Variants in FBN2 observed in about 807,000 individuals in gnomAD.
The protein encoded by FBN2 is fibrillin 2.
A neutral mutation model predicts 355.6 loss-of-function variants in FBN2; 105 were observed. The observed-to-expected ratio is 0.30, with a 90% CI of 0.25 to 0.35. FBN2 has a LOEUF of 0.35. FBN2 is among the 10% of genes least tolerant of loss of function. The probability of loss-of-function intolerance (pLI) is 1.00; values close to 1 mark genes in which losing one functional copy is unlikely to be tolerated. For missense variants in FBN2, 3,280 were observed against 3,758.7 expected (o/e 0.87, Z 3.33); for synonymous variants, 1,350 against 1,301.2 (o/e 1.04, Z -0.81).
chr5:128,274,411 A>G (rs1055018956), intron 60 of FBN2, among the ~76,000 whole-genome samples, 156 bp downstream of exon 60: 8 of 152,178 alleles, frequency 5.3e-5, no homozygotes, highest in Non-Finnish European at 1.2e-4. Flanking sequence ...GTTCTTGAAA[A>G]TATCTATCTT....
chr5:128,346,723 G>C (rs1751191658), intron 23 of FBN2, among the ~76,000 whole-genome samples: 1 of 152,104 alleles, frequency 6.6e-6, no homozygotes, highest in South Asian at 2.1e-4. Flanking sequence ...TGGATCACCT[G>C]AGGTCAGGAG....
intron 35 of FBN2, among the ~76,000 whole-genome samples, chr5:128,318,608 C>A (rs545967705): frequency 1.3e-5 from 2 of 151,478 alleles, no homozygotes; most frequent in African/African-American, 4.9e-5. Flanking sequence ...ACTATATATA[C>A]ATATACATGA....
intron 3 of FBN2, among the ~76,000 whole-genome samples, chr5:128,530,256 C>T (rs1170274076): frequency 2.6e-5 from 4 of 152,156 alleles, no homozygotes; most frequent in Non-Finnish European, 5.9e-5. Flanking sequence ...ACTCAATAAA[C>T]ACATGCTGCC....
intron 34 of FBN2, among the ~76,000 whole-genome samples, chr5:128,320,641 AAAT>A (rs1405211577): frequency 5.3e-5 from 8 of 152,240 alleles, no homozygotes; most frequent in African/African-American, 1.4e-4. Flanking sequence ...TCAAAAATTC[AAAT>A]AATACAGAAA....
At chr5:128,263,175 A>C (rs1385199862) in intron 63 of FBN2, among the ~76,000 whole-genome samples, 1 of 152,232 alleles carries the variant, frequency 6.6e-6, no homozygotes, top group Non-Finnish European at 1.5e-5. Context: ...CAGGCCCTTA[A>C]TAAGAGGAGC....
At chr5:128,330,550 C>G (rs753950355) in intron 33 of FBN2, 23 bp downstream of exon 33, 1 of 1,613,400 alleles carries the variant, frequency 6.2e-7, no homozygotes, top group African/African-American at 1.3e-5. Flanking sequence ...CCCGTCAGAG[C>G]ACACCTCAGG....
At chr5:128,383,107 A>G (rs911155570) in intron 11 of FBN2, among the ~76,000 whole-genome samples, 1 of 152,150 alleles carries the variant, frequency 6.6e-6, no homozygotes, top group African/African-American at 2.4e-5. Context: ...GAGGGTTTTC[A>G]GACCACGATG....
intron 15 of FBN2, among the ~76,000 whole-genome samples, chr5:128,372,038 C>T (rs1698876827): frequency 6.6e-6 from 1 of 152,080 alleles, no homozygotes. Flanking sequence ...AATTTAATAA[C>T]AATAATATCA....
At chr5:128,490,284 G>C (rs1755465429) in intron 5 of FBN2, among the ~76,000 whole-genome samples, 1 of 152,166 alleles carries the variant, frequency 6.6e-6, no homozygotes, top group South Asian at 2.1e-4. Flanking sequence ...TGTTTTAACA[G>C]ATGTTAGCCA....
intron 5 of FBN2, among the ~76,000 whole-genome samples, chr5:128,469,594 T>C (rs1275465426): frequency 6.6e-6 from 1 of 151,940 alleles, no homozygotes; most frequent in East Asian, 1.9e-4. Context: ...AGCTTATATT[T>C]GTATTCTAAA....
rs770778839 is a variant in FBN2 at position 128,290,880 on chromosome 5, A to G, written c.6297T>C (p.Thr2099=). 21 of 1,613,808 alleles carry G rather than the reference A, an allele frequency of 1.3e-5. No homozygotes were observed. The highest frequency in any genetic ancestry group is 1.2e-4 in the Admixed American group (7 of 59,992). Residue 2099 remains threonine, a synonymous_variant, in exon 50 of 65, where the codon ACT becomes ACC. Transcript: ENST00000262464. ...LSDNGRRCFD[T]RQSFCFTNFE... ...AATTTGTGAAGCAGAAGCTCTGGCG[A>G]GTATCTAATCAAAAAAGCAAACATT...
At chr5:128,364,465 G>T (rs1751716608) in intron 18 of FBN2, 135 bp downstream of exon 18, 2 of 892,908 alleles carry the variant, frequency 2.2e-6, no homozygotes, top group Non-Finnish European at 3.4e-6. Flanking sequence ...ATATTTTCCT[G>T]TCAATGTGTA....
At position 128,332,973 on chromosome 5, in the gene FBN2, G is replaced by A. The variant is rs868802211; in HGVS notation, c.4161C>T (p.Ile1387=). 3 of 1,613,120 alleles carry A rather than the reference G, an allele frequency of 1.9e-6. No individual in the cohort carries two copies. Among genetic ancestry groups the A allele is most frequent in the Non-Finnish European group, 2.5e-6 (3 of 1,179,308 alleles). Residue 1387 remains isoleucine, a synonymous_variant, in exon 32 of 65, where the codon ATC becomes ATT. Coordinates refer to ENST00000262464, the MANE Select transcript of FBN2 (RefSeq NM_001999.4). The stretch of plus-strand genomic sequence containing the variant: ...TGCAGCTACACTTGAAGCTTCCTGG[G>A]ATATTCAGACATGAGGCATGCATGT... ...NCDMHASCLN[I]PGSFKCSCRE... is the part of the protein sequence containing the mutation.
At chr5:128,491,571 A>C (rs1490463832) in intron 5 of FBN2, among the ~76,000 whole-genome samples, 1 of 152,226 alleles carries the variant, frequency 6.6e-6, no homozygotes, top group Non-Finnish European at 1.5e-5. Context: ...TACGGCTTTG[A>C]CACAATGCTG....
At chr5:128,509,345 C>T (rs1380213437) in intron 5 of FBN2, among the ~76,000 whole-genome samples, 4 of 152,060 alleles carry the variant, frequency 2.6e-5, no homozygotes, top group Non-Finnish European at 1.5e-5. Context: ...CTCGTCTTTT[C>T]GCCTATAATG....
At chr5:128,271,968 A>C in intron 62 of FBN2, 31 bp downstream of exon 62, 1 of 1,613,110 alleles carries the variant, frequency 6.2e-7, no homozygotes, top group East Asian at 2.2e-5. Flanking sequence ...AGGTGAGAAA[A>C]GCAAGTGCGA....
At position 128,278,605 on chromosome 5, in the gene FBN2, TTATATGAATAAATTTCCTCAACTCC is replaced by T; in HGVS notation, c.7345+5_7345+29del. 1.9e-6 allele frequency: 3 copies of T among 1,582,064 alleles called. No individual in the cohort carries two copies. Among genetic ancestry groups the T allele is most frequent in the Non-Finnish European group, 2.6e-6 (3 of 1,150,902 alleles). On this transcript the variant is annotated splice_donor_5th_base_variant and intron_variant, in intron 57 of 64. Coordinates refer to ENST00000262464, the MANE Select transcript of FBN2 (RefSeq NM_001999.4). ...GAATTCATAAAATTTAATGTGTTGA[TTATATGAATAAATTTCCTCAACTCC>T]TTACCTCTTCCATCAGTTGTATATC...
intron 25 of FBN2, among the ~76,000 whole-genome samples, chr5:128,342,314 G>A (rs1268370708): frequency 6.6e-6 from 1 of 151,994 alleles, no homozygotes; most frequent in African/African-American, 2.4e-5. Flanking sequence ...TAAGAGAAAA[G>A]AAAATCTCAA....
intron 34 of FBN2, 115 bp from the exon 35 acceptor site, chr5:128,319,116 CT>C (rs1185833387): frequency 1.4e-4 from 110 of 780,764 alleles, no homozygotes; most frequent in East Asian, 2.2e-4. Flanking sequence ...TTCAGTAAGG[CT>C]TTTTTTTTCT....
Sources: gnomAD v4.1 joint callset for allele counts (sites outside exome capture counted in the v4.1 genomes callset) on GRCh38, gnomAD v4.1.1 for gene constraint, MANE v1.5 for transcripts, NCBI Gene and HGNC (gene_info 2026-07-23, HGNC 2026-07-21) for gene names.